CACNA1B: variants seen among roughly 807,000 people sequenced by gnomAD.
CACNA1B encodes calcium voltage-gated channel subunit alpha1 B, also known as voltage-dependent N-type calcium channel subunit alpha-1B.
A neutral mutation model predicts 247.2 loss-of-function variants in CACNA1B; 70 were observed. The observed-to-expected ratio is 0.28, with a 90% CI of 0.23 to 0.35. The LOEUF (loss-of-function observed/expected upper bound fraction) is 0.35. CACNA1B is among the 10% of genes least tolerant of loss of function. The pLI, the probability that CACNA1B is intolerant of heterozygous loss-of-function variation, is 1.00. For missense variants in CACNA1B, 2,367 were observed against 3,197.4 expected, an observed-to-expected ratio of 0.74 and a Z score of 6.26; for synonymous variants, 1,231 against 1,294.4, an observed-to-expected ratio of 0.95 and a Z score of 1.05.
chr9:138,050,226 C>T lies in CACNA1B; in HGVS notation c.3710+911C>T. Reference sequence around the variant, plus strand: ...GGCTGCATGCTGCCGGGAGCCAAGTCCCCGGCCAGGGGTTCCTGCCATGCC... The same window carrying T: ...GGCTGCATGCTGCCGGGAGCCAAGTTCCCGGCCAGGGGTTCCTGCCATGCC... On this transcript the variant is annotated intron_variant, in intron 24 of 46. Coordinates refer to ENST00000371372, the MANE Select transcript of CACNA1B (RefSeq NM_000718.4). The surrounding 1 kb of genome is among the most constrained non-coding windows in gnomAD (Gnocchi z 5.2). The T allele has an allele frequency of 1.7e-6, 1 of 587,206 alleles. No homozygotes were observed. The highest frequency in any genetic ancestry group is 1.6e-5 in the South Asian group (1 of 64,156). The allele number at this position is 587,206 out of a possible 1,614,324, so 36.4% of individuals were successfully genotyped here.
chr9:137,995,163 G>A (rs76868768), intron 15 of CACNA1B, among the ~76,000 whole-genome samples: 4,051 of 150,268 alleles, frequency 0.027, 77 homozygotes, highest in South Asian at 0.079. Flanking sequence ...AACCAAGATC[G>A]CGCCATCCAT....
intron 35 of CACNA1B, among the ~76,000 whole-genome samples, chr9:138,077,376 G>A (rs533993156): frequency 3.4e-4 from 52 of 152,364 alleles, no homozygotes; most frequent in Non-Finnish European, 3.5e-4. Flanking sequence ...TCAAGGACCA[G>A]CAGAGGCCAG....
chr9:137,955,675 C>T lies in CACNA1B; in HGVS notation c.1071-23C>T. ...TGGGGCTTGCACTCACCTGATCTTG[C>T]TTTTCCGGCCCCTGCATGGTAGGGA... On this transcript the variant is annotated intron_variant, in intron 7 of 46. Coordinates refer to ENST00000371372, the MANE Select transcript of CACNA1B (RefSeq NM_000718.4). This position sits in a 1 kb window ranked among gnomAD's most constrained non-coding sequence, Gnocchi z 6.9. The T allele has an allele frequency of 6.4e-7, 1 of 1,554,696 alleles. No individual in the cohort carries two copies. The highest frequency in any genetic ancestry group is 8.8e-7 in the Non-Finnish European group (1 of 1,131,702).
rs74424949 is a variant in CACNA1B, at chr9:138,121,570, C to T, written c.6591C>T (p.Pro2197=). ...RRQLPQTPLT[P]RPSITYKTAN... ...AGCTCCCCCAGACGCCCCTGACTCCCCGCCCCAGCATCACCTACAAGACGG... is the reference window on the plus strand; with the variant it reads ...AGCTCCCCCAGACGCCCCTGACTCCTCGCCCCAGCATCACCTACAAGACGG... The change falls in exon 47 of 47, where the codon CCC becomes CCT. Residue 2197 remains proline (P), a synonymous_variant. Coordinates refer to ENST00000371372, the MANE Select transcript of CACNA1B (RefSeq NM_000718.4). This position sits in a 1 kb window ranked among gnomAD's most constrained non-coding sequence, Gnocchi z 6.8. The T allele has an allele frequency of 1.9e-6, 3 of 1,610,236 alleles. No individual in the cohort carries two copies. Among genetic ancestry groups the T allele is most frequent in the Non-Finnish European group, 2.5e-6 (3 of 1,177,518 alleles).
At chr9:138,095,643 T>C (rs1423479553) in intron 36 of CACNA1B, among the ~76,000 whole-genome samples, 3 of 152,184 alleles carry the variant, frequency 2.0e-5, no homozygotes, top group African/African-American at 4.8e-5. Context: ...AATGAAAAGA[T>C]GTATCTGCAT....
In CACNA1B at chr9:137,986,542, A is replaced by G; in HGVS notation, c.1899A>G (p.Gly633=). 1 of 1,613,488 alleles carries G rather than the reference A, an allele frequency of 6.2e-7. No individual in the cohort carries two copies. The highest frequency in any genetic ancestry group is 8.5e-7 in the Non-Finnish European group (1 of 1,179,754). Residue 633 remains glycine (G), a splice_region_variant and synonymous_variant, in exon 14 of 47, where the codon GGA becomes GGG. Coordinates refer to ENST00000371372, the MANE Select transcript of CACNA1B (RefSeq NM_000718.4). The surrounding 1 kb of genome is among the most constrained non-coding windows in gnomAD (Gnocchi z 6.0). ...TGCTGGGGATGCAGCTGTTTGGGGGACAGTAAGTGGGCCCGGGAGGGAGAG... is the reference window on the plus strand; with the variant it reads ...TGCTGGGGATGCAGCTGTTTGGGGGGCAGTAAGTGGGCCCGGGAGGGAGAG... ...FALLGMQLFG[G]QFNFQDETPT...
At chr9:138,104,576 C>T (rs1961360792) in intron 38 of CACNA1B, among the ~76,000 whole-genome samples, 1 of 152,196 alleles carries the variant, frequency 6.6e-6, no homozygotes, top group Non-Finnish European at 1.5e-5. Context: ...GAGTCAGGCT[C>T]ATGTCTCCAG....
intron 20 of CACNA1B, among the ~76,000 whole-genome samples, chr9:138,038,736 C>T (rs112998461): frequency 1.3e-5 from 2 of 152,198 alleles, no homozygotes; most frequent in Non-Finnish European, 2.9e-5. Context: ...TTTGTCTTCC[C>T]GTCTGGAAGC....
intron 15 of CACNA1B, among the ~76,000 whole-genome samples, chr9:137,988,364 C>A (rs1958392308): frequency 6.6e-6 from 1 of 152,102 alleles, no homozygotes; most frequent in Non-Finnish European, 1.5e-5. Flanking sequence ...GAGGCTTTGC[C>A]CTGTAGAAGC....
At chr9:137,981,355 G>A (rs1265201203) in intron 12 of CACNA1B, among the ~76,000 whole-genome samples, 2 of 152,146 alleles carry the variant, frequency 1.3e-5, no homozygotes, top group East Asian at 1.9e-4. Flanking sequence ...ATTTAATGCA[G>A]TTTCCTTGGT....
At chr9:137,925,978 T>C (rs1477167638) in intron 6 of CACNA1B, among the ~76,000 whole-genome samples, 2 of 149,644 alleles carry the variant, frequency 1.3e-5, no homozygotes, top group Non-Finnish European at 3.0e-5. Context: ...ATGGTCTTGA[T>C]CTCCTGACCT....
chr9:138,091,989 G>A lies in CACNA1B; in HGVS notation c.5095-4495G>A, dbSNP rs183831843. Among the ~76,000 whole-genome samples the A allele has an allele frequency of 6.3e-4, 96 of 152,272 alleles. No homozygotes were observed. The Middle Eastern group carries it at 0.02, about 32-fold the overall frequency. ...CTGCAAAACCAGCAAGTTTTTATTA[G>A]GGATTTCAAAAGGGGAGAGGGGTAC... On this transcript the variant is annotated intron_variant, in intron 36 of 46. Transcript: ENST00000371372.
chr9:137,933,394 C>T (rs768874996), intron 6 of CACNA1B, among the ~76,000 whole-genome samples: 2 of 152,148 alleles, frequency 1.3e-5, no homozygotes, highest in Admixed American at 6.5e-5. Flanking sequence ...CCAGAATTTT[C>T]GCTTCTGTTA....
intron 43 of CACNA1B, among the ~76,000 whole-genome samples, chr9:138,118,400 G>C (rs1280952561): frequency 2.9e-5 from 3 of 103,510 alleles, no homozygotes; most frequent in Admixed American, 2.0e-4. Flanking sequence ...TAGGGTGGGG[G>C]ACATGTGAGA....
At chr9:138,092,826 T>C (rs1354428459) in intron 36 of CACNA1B, among the ~76,000 whole-genome samples, 1 of 152,246 alleles carries the variant, frequency 6.6e-6, no homozygotes, top group Non-Finnish European at 1.5e-5. Flanking sequence ...ATTTATGTTC[T>C]TCTGCCGTGG....
intron 20 of CACNA1B, among the ~76,000 whole-genome samples, chr9:138,041,377 T>G (rs1425112852): frequency 6.6e-6 from 1 of 152,196 alleles, no homozygotes. Context: ...TGTGGCTGTT[T>G]TTAGTGAAAG....
At chr9:138,061,984 G>T (rs1443991713) in intron 31 of CACNA1B, among the ~76,000 whole-genome samples, 1 of 152,234 alleles carries the variant, frequency 6.6e-6, no homozygotes, top group Non-Finnish European at 1.5e-5. Context: ...GGCTGGTGAG[G>T]ACAGAGGCTA....
chr9:137,912,900 T>G (rs1957373432), intron 3 of CACNA1B, among the ~76,000 whole-genome samples: 1 of 152,164 alleles, frequency 6.6e-6, no homozygotes, highest in African/African-American at 2.4e-5. Flanking sequence ...AGATGGTGCC[T>G]TTGAACTGGA....
At chr9:138,078,396 TC>T in intron 36 of CACNA1B, 138 bp downstream of exon 36, 1 of 827,790 alleles carries the variant, frequency 1.2e-6, no homozygotes, top group South Asian at 1.9e-5. Flanking sequence ...GGCCCTTGTT[TC>T]CCCAGAGATG....
Sources: gnomAD v4.1 joint callset for allele counts (sites outside exome capture counted in the v4.1 genomes callset) on GRCh38, gnomAD v4.1.1 for gene constraint, Gnocchi (gnomAD v3.1) non-coding constraint, MANE v1.5 for transcripts, NCBI Gene and HGNC (gene_info 2026-07-23, HGNC 2026-07-21) for gene names.